The following CCDC88C variants were observed in gnomAD, a reference collection of about 807,000 sequenced individuals.
The protein encoded by CCDC88C is protein Daple.
In CCDC88C, 131 loss-of-function variants were observed where a neutral mutation model predicts 198.8. That is an observed-to-expected ratio of 0.66 (90% CI 0.57 to 0.76). The LOEUF (loss-of-function observed/expected upper bound fraction) is 0.76. Ranked by LOEUF, CCDC88C falls within the 30% of genes least tolerant of loss-of-function variation. The probability of loss-of-function intolerance (pLI) is 0.00; values close to 1 mark genes in which losing one functional copy is unlikely to be tolerated. For missense variants in CCDC88C, 2,553 were observed against 2,631.6 expected (o/e 0.97, Z 0.65); for synonymous variants, 1,166 against 1,114.7 (o/e 1.05, Z -0.92).
At chr14:91,414,611 G>A (rs1387924530) in intron 2 of CCDC88C, among the ~76,000 whole-genome samples, 2 of 152,142 alleles carry the variant, frequency 1.3e-5, no homozygotes, top group Admixed American at 6.5e-5. Flanking sequence ...TCTATCACCT[G>A]GAACTGGGTG....
At position 91,313,835 on chromosome 14, in the gene CCDC88C, C is replaced by T. The variant is rs921191291; in HGVS notation, c.1981G>A (p.Val661Ile). 6.2e-7 allele frequency: 1 copy of T among 1,603,938 alleles called. No individual in the cohort carries two copies. Among genetic ancestry groups the T allele is most frequent in the Non-Finnish European group, 8.5e-7 (1 of 1,176,762 alleles). Residue 661 changes from valine to isoleucine, a missense_variant, in exon 15 of 30, where the codon GTC (valine) becomes ATC (isoleucine). By Grantham distance (29) the Val-to-Ile change is conservative (BLOSUM62 3). Transcript: ENST00000389857. This position sits in a 1 kb window ranked among gnomAD's most constrained non-coding sequence, Gnocchi z 5.2. ...TGGCTCTCATGCTCCAGGGCCTCGA[C>T]TTTCTCGGTGGCTGTCTCCAGGGAG... ...VTSLETATEKVEALEHESQGL... is the reference protein window; with the variant it reads ...VTSLETATEKIEALEHESQGL...
intron 3 of CCDC88C, among the ~76,000 whole-genome samples, chr14:91,387,249 T>C (rs1229543110): frequency 2.0e-5 from 3 of 152,176 alleles, no homozygotes; most frequent in Admixed American, 1.3e-4. Flanking sequence ...ACAGTCAGTT[T>C]CAAGGGGCTG....
chr14:91,409,353 T>C (rs1470656209), intron 2 of CCDC88C, among the ~76,000 whole-genome samples: 1 of 151,642 alleles, frequency 6.6e-6, no homozygotes, highest in Non-Finnish European at 1.5e-5. Context: ...TTTTTTTTAA[T>C]TTTTTTTATA....
At chr14:91,345,190 A>ATTTTTTTTTT (rs58941451) in intron 4 of CCDC88C, among the ~76,000 whole-genome samples, 5 of 52,200 alleles carry the variant, frequency 9.6e-5, no homozygotes, top group Non-Finnish European at 1.0e-4. Context: ...ATATATATAT[A>ATTTTTTTTTT]TTTTTTTTTT....
chr14:91,366,002 A>G (rs1053080941), intron 3 of CCDC88C, among the ~76,000 whole-genome samples: 2 of 152,228 alleles, frequency 1.3e-5, no homozygotes, highest in Non-Finnish European at 2.9e-5. Context: ...CTAAAATGAC[A>G]GAATTTTCTT....
At chr14:91,403,678 C>G (rs1356443070) in intron 3 of CCDC88C, among the ~76,000 whole-genome samples, 3 of 152,244 alleles carry the variant, frequency 2.0e-5, no homozygotes, top group Non-Finnish European at 4.4e-5. Context: ...GCCTATAAGC[C>G]CAGCACTTTG....
At chr14:91,380,032 T>A in intron 3 of CCDC88C, 1 of 633,450 alleles carries the variant, frequency 1.6e-6, no homozygotes, top group Non-Finnish European at 2.9e-6. Flanking sequence ...AGGTCCTTTC[T>A]CCTTACAGGG....
intron 3 of CCDC88C, among the ~76,000 whole-genome samples, chr14:91,389,815 G>A (rs1337190839): frequency 2.6e-5 from 4 of 151,980 alleles, no homozygotes; most frequent in African/African-American, 9.7e-5. Context: ...GCTCACGCCT[G>A]TAATCCCAGC....
intron 23 of CCDC88C, among the ~76,000 whole-genome samples, chr14:91,291,884 TCATA>T (rs1890676566): frequency 6.6e-6 from 1 of 152,220 alleles, no homozygotes; most frequent in South Asian, 2.1e-4. Flanking sequence ...TTGGCCTTCC[TCATA>T]CAAACAGAAA....
At chr14:91,316,835 TC>T (rs1416172976) in intron 13 of CCDC88C, among the ~76,000 whole-genome samples, 1 of 152,202 alleles carries the variant, frequency 6.6e-6, no homozygotes, top group South Asian at 2.1e-4. Flanking sequence ...CTCCGGTCCA[TC>T]CCCGAAGAAG....
chr14:91,272,484 G>C lies in CCDC88C; in HGVS notation c.*141C>G. 1 of 855,584 alleles carries C rather than the reference G, an allele frequency of 1.2e-6. No individual in the cohort carries two copies. Among genetic ancestry groups the C allele is most frequent in the Non-Finnish European group, 1.8e-6 (1 of 555,400 alleles). 53.0% of individuals were successfully genotyped at this position (855,584 alleles called of 1,614,324 possible). On this transcript the variant is annotated 3_prime_UTR_variant, in exon 30 of 30. Coordinates refer to ENST00000389857, the MANE Select transcript of CCDC88C (RefSeq NM_001080414.4). The stretch of plus-strand genomic sequence containing the variant: ...GCTTGGCACAGTGTTTCCATTCACA[G>C]AACAAACAGCAGAAATGCGTGGGAA...
At position 91,318,832 on chromosome 14, in the gene CCDC88C, C is replaced by T. The variant is rs527904850; in HGVS notation, c.1527+2288G>A. On this transcript the variant is annotated intron_variant, in intron 13 of 29. Transcript: ENST00000389857. ...ACTTGGGAGGCCGAGACAGGAGCAT[C>T]GCTTGAACCCAGGAGATGGAGATAG... Among the ~76,000 whole-genome samples the T allele has an allele frequency of 1.1e-4, 16 of 145,236 alleles. No individual in the cohort carries two copies. The East Asian group carries it at 1.8e-3, about 16-fold the overall frequency.
At position 91,308,486 on chromosome 14, in the gene CCDC88C, G is replaced by A; in HGVS notation, c.2871C>T (p.Tyr957=). 1 of 1,613,540 alleles carries A rather than the reference G, an allele frequency of 6.2e-7. No homozygotes were observed. The highest frequency in any genetic ancestry group is 8.5e-7 in the Non-Finnish European group (1 of 1,179,752). ...QEDDSGSDTK[Y]KILEGRNESA... ...ATTCATTTCTGCCCTCCAAAATCTT[G>A]TATTTTCTGGAAAACACAAAGATAC... Residue 957 remains tyrosine (Y), a synonymous_variant, in exon 17 of 30, where the codon TAC becomes TAT. Transcript: ENST00000389857.
At chr14:91,415,915 G>A (rs529425625) in intron 2 of CCDC88C, among the ~76,000 whole-genome samples, 9 of 152,170 alleles carry the variant, frequency 5.9e-5, no homozygotes, top group African/African-American at 1.9e-4. Context: ...TAGGTGAATA[G>A]GTGCGCACAC....
intron 23 of CCDC88C, among the ~76,000 whole-genome samples, chr14:91,291,762 C>T (rs72699684): frequency 0.026 from 3,917 of 152,260 alleles, 60 homozygotes; most frequent in Middle Eastern, 0.068. Context: ...GCCAAATCTC[C>T]CGATTCCTAA....
chr14:91,279,270 G>A lies in CCDC88C; in HGVS notation c.4736C>T (p.Thr1579Ile), dbSNP rs1431699865. 2.5e-6 allele frequency: 4 copies of A among 1,602,840 alleles called. No individual in the cohort carries two copies. The highest frequency in any genetic ancestry group is 1.3e-5 in the African/African-American group (1 of 74,928). The change falls in exon 28 of 30, where the codon ACA (threonine) becomes ATA (isoleucine). Residue 1579 changes from threonine (T) to isoleucine (I), a missense_variant. Thr to Ile is a moderately conservative substitution (Grantham distance 89). This residue lies in a region of CCDC88C where 1,293 missense variants were observed against 1,219.6 expected (regional missense o/e 1.06). Transcript: ENST00000389857. Reference sequence around the variant, plus strand: ...GTTAAGAGGTGAGCTGTTGCTGGATGTGTTTCTACTGCTCTCTAAGCTACT... The same window carrying A: ...GTTAAGAGGTGAGCTGTTGCTGGATATGTTTCTACTGCTCTCTAAGCTACT... ...RPSSLESSRN[T>I]SSNSSPLNLK... is the part of the protein sequence containing the mutation.
At chr14:91,354,707 A>G (rs1444841445) in intron 4 of CCDC88C, among the ~76,000 whole-genome samples, 1 of 152,144 alleles carries the variant, frequency 6.6e-6, no homozygotes, top group Non-Finnish European at 1.5e-5. Flanking sequence ...GGCCCCCTGC[A>G]TGGATGCTGT....
At chr14:91,351,274 G>A (rs1893778139) in intron 4 of CCDC88C, among the ~76,000 whole-genome samples, 1 of 152,116 alleles carries the variant, frequency 6.6e-6, no homozygotes, top group African/African-American at 2.4e-5. Flanking sequence ...TATTTCATAA[G>A]GATGCTCACG....
At chr14:91,285,409 C>G (rs762848865) in intron 25 of CCDC88C, 5 of 455,366 alleles carry the variant, frequency 1.1e-5, no homozygotes, top group African/African-American at 2.0e-5. Flanking sequence ...TACGGACATC[C>G]TGGCCCAAGG....
Sources: gnomAD v4.1 joint callset for allele counts (sites outside exome capture counted in the v4.1 genomes callset) on GRCh38, gnomAD v4.1.1 for gene constraint, gnomAD v4.1.1 regional missense constraint, Gnocchi (gnomAD v3.1) non-coding constraint, MANE v1.5 for transcripts, NCBI Gene and HGNC (gene_info 2026-07-23, HGNC 2026-07-21) for gene names.